Variants in MACROD2 observed in about 807,000 individuals in gnomAD.
MACROD2 encodes ADP-ribose glycohydrolase MACROD2.
Under a neutral mutation model 70.4 loss-of-function variants are expected in MACROD2, and 36 were observed. The observed-to-expected ratio is 0.51, with a 90% confidence interval of 0.39 to 0.68. The LOEUF (loss-of-function observed/expected upper bound fraction) is 0.68, where lower values mean the gene tolerates loss of function less well. Ranked by LOEUF, MACROD2 falls within the 30% of genes least tolerant of loss-of-function variation. The pLI is 0.00. For missense variants in MACROD2, 496 were observed against 538.4 expected, an observed-to-expected ratio of 0.92 and a Z score of 0.78; for synonymous variants, 172 against 178.8, an observed-to-expected ratio of 0.96 and a Z score of 0.30.
At chr20:14,014,843 C>T (rs908232702) in intron 2 of MACROD2, among the ~76,000 whole-genome samples, 1 of 151,802 alleles carries the variant, frequency 6.6e-6, no homozygotes, top group Non-Finnish European at 1.5e-5. Context: ...TGCTGTTGCC[C>T]AGGCTGGAGT....
At chr20:15,882,496 G>A (rs773085554) in intron 9 of MACROD2, among the ~76,000 whole-genome samples, 63 of 152,032 alleles carry the variant, frequency 4.1e-4, no homozygotes, top group Non-Finnish European at 7.9e-4. Context: ...GAGATTTCAG[G>A]CAGAGGATGG....
intron 4 of MACROD2, among the ~76,000 whole-genome samples, chr20:14,624,014 A>G (rs1983987856): frequency 6.6e-6 from 1 of 152,008 alleles, no homozygotes; most frequent in African/African-American, 2.4e-5. Context: ...TCTGTCTTGG[A>G]CTCTTAAGGA....
intron 13 of MACROD2, among the ~76,000 whole-genome samples, chr20:15,982,535 G>A (rs930942490): frequency 6.6e-6 from 1 of 152,072 alleles, no homozygotes; most frequent in Admixed American, 6.6e-5. Context: ...TTGCAGGGGT[G>A]GGTGAAGCTG....
At chr20:14,097,573 A>T (rs2054245286) in intron 3 of MACROD2, among the ~76,000 whole-genome samples, 1 of 152,226 alleles carries the variant, frequency 6.6e-6, no homozygotes, top group African/African-American at 2.4e-5. Flanking sequence ...CAGATCAATC[A>T]TTATTTTAAA....
intron 5 of MACROD2, among the ~76,000 whole-genome samples, chr20:15,022,474 T>C (rs1037705596): frequency 1.3e-5 from 2 of 152,206 alleles, no homozygotes; most frequent in African/African-American, 4.8e-5. Flanking sequence ...GGAATTTTAC[T>C]TGAAAGGGAC....
intron 5 of MACROD2, among the ~76,000 whole-genome samples, chr20:15,102,735 C>T (rs200471901): frequency 2.0e-5 from 3 of 151,714 alleles, no homozygotes; most frequent in African/African-American, 7.3e-5. Context: ...TAAACTCCCA[C>T]GTGTGAAAAT....
intron 4 of MACROD2, among the ~76,000 whole-genome samples, chr20:14,495,529 T>C (rs1248873418): frequency 6.6e-6 from 1 of 152,188 alleles, no homozygotes; most frequent in African/African-American, 2.4e-5. Context: ...AAATTACCGT[T>C]CTGTTCACTA....
At chr20:14,726,935 T>TA (rs1419369150) in intron 5 of MACROD2, among the ~76,000 whole-genome samples, 2 of 152,056 alleles carry the variant, frequency 1.3e-5, no homozygotes, top group African/African-American at 2.4e-5. Context: ...TACCAGAGGT[T>TA]AAAAAAAACC....
chr20:14,374,135 CTAAT>C (rs1205486500), intron 3 of MACROD2, among the ~76,000 whole-genome samples: 1 of 152,086 alleles, frequency 6.6e-6, no homozygotes, highest in African/African-American at 2.4e-5. Context: ...ATGTTCAACA[CTAAT>C]TATACTTTTA....
At chr20:15,981,244 G>A (rs1322868924) in intron 13 of MACROD2, among the ~76,000 whole-genome samples, 1 of 152,188 alleles carries the variant, frequency 6.6e-6, no homozygotes, top group Non-Finnish European at 1.5e-5. Flanking sequence ...GGCCTAGACA[G>A]TCTGCAACCT....
chr20:14,510,561 T>C (rs1229782008), intron 4 of MACROD2, among the ~76,000 whole-genome samples: 1 of 152,094 alleles, frequency 6.6e-6, no homozygotes, highest in African/African-American at 2.4e-5. Context: ...ATGGAAATGA[T>C]AGAATGATGT....
intron 3 of MACROD2, among the ~76,000 whole-genome samples, chr20:14,301,020 T>G (rs769373841): frequency 7.4e-4 from 112 of 152,124 alleles, no homozygotes; most frequent in Non-Finnish European, 8.4e-4. Flanking sequence ...GTTACAAGAC[T>G]TTTTACCTAT....
intron 15 of MACROD2, among the ~76,000 whole-genome samples, chr20:16,002,379 A>T (rs989228424): frequency 1.3e-5 from 2 of 152,162 alleles, no homozygotes; most frequent in African/African-American, 4.8e-5. Flanking sequence ...GACGATGCTG[A>T]TGTAATTAAG....
intron 5 of MACROD2, among the ~76,000 whole-genome samples, chr20:14,951,186 A>G (rs115783831): frequency 0.032 from 4,863 of 152,062 alleles, 269 homozygotes; most frequent in African/African-American, 0.11. Context: ...CCCTGAATGT[A>G]TGGTTTCTGT....
intron 3 of MACROD2, among the ~76,000 whole-genome samples, chr20:14,359,570 A>G (rs971322077): frequency 6.6e-6 from 1 of 152,212 alleles, no homozygotes; most frequent in Admixed American, 6.5e-5. Context: ...AGTATTCATC[A>G]ATGGATAAAT....
chr20:15,033,590 A>G (rs2075291480), intron 5 of MACROD2, among the ~76,000 whole-genome samples: 1 of 152,222 alleles, frequency 6.6e-6, no homozygotes, highest in African/African-American at 2.4e-5. Flanking sequence ...AATGGTCTTC[A>G]TGTACCCCCA....
intron 3 of MACROD2, chr20:14,223,215 G>T (rs2081697265): frequency 6.6e-6 from 1 of 152,388 alleles, no homozygotes; most frequent in African/African-American, 2.4e-5. Context: ...CTAATGAGGG[G>T]TGAAGCAGCC....
chr20:14,713,768 A>G (rs1355763797), intron 5 of MACROD2, among the ~76,000 whole-genome samples: 1 of 152,234 alleles, frequency 6.6e-6, no homozygotes, highest in East Asian at 1.9e-4. Flanking sequence ...TAAAAAAATT[A>G]CTATTATCAA....
intron 8 of MACROD2, among the ~76,000 whole-genome samples, chr20:15,778,675 T>G (rs966896460): frequency 6.6e-6 from 1 of 152,024 alleles, no homozygotes; most frequent in South Asian, 2.1e-4. Flanking sequence ...ATAAAATACC[T>G]CTGTACCTTT....
Sources: gnomAD v4.1 joint callset for allele counts (sites outside exome capture counted in the v4.1 genomes callset) on GRCh38, gnomAD v4.1.1 for gene constraint, MANE v1.5 for transcripts, NCBI Gene and HGNC (gene_info 2026-07-23, HGNC 2026-07-21) for gene names.